Variants in TRPM3 observed in about 807,000 individuals in gnomAD.
The protein encoded by TRPM3 is long transient receptor potential channel 3.
TRPM3 carries 77 observed loss-of-function variants against 181.2 expected under a neutral mutation model. That is an observed-to-expected ratio of 0.42 (90% confidence interval 0.35 to 0.51). TRPM3 has a LOEUF of 0.51. Ranked by LOEUF, TRPM3 falls within the 20% of genes least tolerant of loss-of-function variation. The probability of loss-of-function intolerance (pLI) is 0.01; values close to 1 mark genes in which losing one functional copy is unlikely to be tolerated. For missense variants in TRPM3, 1,759 were observed against 2,196.7 expected (o/e 0.80, Z 3.98); for synonymous variants, 745 against 796.4 (o/e 0.94, Z 1.09).
intron 1 of TRPM3, among the ~76,000 whole-genome samples, chr9:71,335,203 A>G (rs190218995): frequency 6.6e-6 from 1 of 152,274 alleles, no homozygotes; most frequent in Admixed American, 6.5e-5. Context: ...ACCTGGAGTT[A>G]GCTCTCCTCC....
At chr9:70,773,221 G>T (rs192572794) in intron 7 of TRPM3, among the ~76,000 whole-genome samples, 245 of 152,286 alleles carry the variant, frequency 1.6e-3, no homozygotes, top group African/African-American at 5.7e-3. Flanking sequence ...CACCTTCTTA[G>T]AGGACAACAT....
chr9:71,434,148 G>A (rs1373807749), intron 1 of TRPM3, among the ~76,000 whole-genome samples: 4 of 152,234 alleles, frequency 2.6e-5, no homozygotes, highest in African/African-American at 4.8e-5. Context: ...GACAGAGCAA[G>A]ACTCTGTCTC....
intron 3 of TRPM3, among the ~76,000 whole-genome samples, chr9:70,852,798 T>G (rs1010227962): frequency 3.3e-5 from 5 of 152,322 alleles, no homozygotes; most frequent in Admixed American, 3.3e-4. Flanking sequence ...TGGCCAGCAC[T>G]GCTCCCCTCT....
chr9:71,241,819 C>T (rs2081710628), intron 1 of TRPM3, among the ~76,000 whole-genome samples: 1 of 152,160 alleles, frequency 6.6e-6, no homozygotes, highest in Non-Finnish European at 1.5e-5. Flanking sequence ...CATGCAGATC[C>T]ACTTTACAAT....
Position 70,784,274 on chromosome 9 carries a change from C to T in TRPM3, c.979G>A (p.Gly327Ser), listed in dbSNP as rs771182524. ...AGTGCCACCACAGGAACACCTTGAC[C>T]GATTCCTGCATTAAAAAAGGAAAAG... ...ISLQKINTRI[G>S]QGVPVVALIV... Residue 327 changes from glycine to serine, a missense_variant, in exon 7 of 26, where the codon GGT (glycine) becomes AGT (serine). Gly to Ser is a moderately conservative substitution (Grantham distance 56). Coordinates refer to ENST00000677713, the MANE Select transcript of TRPM3 (RefSeq NM_001366145.2). The T allele has an allele frequency of 4.4e-6, 7 of 1,584,356 alleles. No homozygotes were observed. Among genetic ancestry groups the T allele is most frequent in the East Asian group, 2.3e-5 (1 of 44,086 alleles).
At chr9:71,427,839 A>G (rs937992629) in intron 1 of TRPM3, among the ~76,000 whole-genome samples, 8 of 152,206 alleles carry the variant, frequency 5.3e-5, no homozygotes, top group Non-Finnish European at 1.0e-4. Context: ...GATGGATTCA[A>G]CTGAACTCTC....
At chr9:71,226,283 G>A (rs927094670) in intron 1 of TRPM3, among the ~76,000 whole-genome samples, 3 of 151,876 alleles carry the variant, frequency 2.0e-5, no homozygotes, top group Non-Finnish European at 4.4e-5. Flanking sequence ...AAGAGAAGGT[G>A]ACAAAGCTAC....
chr9:71,032,024 TATAATATA>T (rs2057449386), intron 1 of TRPM3, among the ~76,000 whole-genome samples: 1 of 458 alleles, frequency 2.2e-3, no homozygotes, highest in African/African-American at 2.5e-3. Flanking sequence ...AATATATATA[TATAATATA>T]AATATATATA....
chr9:70,767,354 T>G (rs1241456245), intron 7 of TRPM3, among the ~76,000 whole-genome samples: 1 of 152,222 alleles, frequency 6.6e-6, no homozygotes, highest in Admixed American at 6.5e-5. Flanking sequence ...CAAACAATAT[T>G]CATGCCTTCT....
At chr9:71,436,752 A>C (rs887080878) in intron 1 of TRPM3, among the ~76,000 whole-genome samples, 2 of 152,168 alleles carry the variant, frequency 1.3e-5, no homozygotes, top group Non-Finnish European at 2.9e-5. Context: ...TTACAGAAAC[A>C]CAGCCCTGCT....
intron 9 of TRPM3, among the ~76,000 whole-genome samples, chr9:70,645,244 T>C (rs901529390): frequency 6.6e-6 from 1 of 152,202 alleles, no homozygotes; most frequent in Non-Finnish European, 1.5e-5. Flanking sequence ...AGAGCCTGCA[T>C]AACCAAGACA....
At chr9:71,236,593 T>C (rs2081363127) in intron 1 of TRPM3, among the ~76,000 whole-genome samples, 1 of 152,168 alleles carries the variant, frequency 6.6e-6, no homozygotes, top group Non-Finnish European at 1.5e-5. Context: ...TGGGAATGAA[T>C]GATCACACTT....
chr9:70,748,128 G>A (rs62543771), intron 8 of TRPM3, among the ~76,000 whole-genome samples: 5,701 of 152,200 alleles, frequency 0.037, 157 homozygotes, highest in Non-Finnish European at 0.054. Context: ...GAAATTCACA[G>A]GAAAGTAACT....
intron 1 of TRPM3, among the ~76,000 whole-genome samples, chr9:70,970,428 G>A (rs62543208): frequency 0.29 from 43,772 of 151,810 alleles, 6,296 homozygotes; most frequent in East Asian, 0.36. Flanking sequence ...CACTCCTTCT[G>A]GAACCCTGTG....
chr9:70,786,569 C>G (rs1588326003), intron 6 of TRPM3, among the ~76,000 whole-genome samples: 1 of 152,210 alleles, frequency 6.6e-6, no homozygotes, highest in East Asian at 1.9e-4. Flanking sequence ...AGAATTTGCT[C>G]TCATAAAAAT....
chr9:70,748,755 G>A (rs971288041), intron 8 of TRPM3, among the ~76,000 whole-genome samples: 1 of 152,146 alleles, frequency 6.6e-6, no homozygotes, highest in African/African-American at 2.4e-5. Context: ...CTCCAGAACT[G>A]TGAACAATAA....
At chr9:70,934,379 G>GAC (rs1472445955) in intron 1 of TRPM3, among the ~76,000 whole-genome samples, 2 of 152,246 alleles carry the variant, frequency 1.3e-5, no homozygotes, top group East Asian at 3.9e-4. Context: ...TGACTGTTAT[G>GAC]TGGTAAAACC....
intron 1 of TRPM3, among the ~76,000 whole-genome samples, chr9:71,420,721 AAGAGAG>A (rs760245264): frequency 1.6e-4 from 12 of 76,654 alleles, no homozygotes; most frequent in Admixed American, 2.8e-4. Flanking sequence ...GAAAGAGAGA[AAGAGAG>A]AGAGAGAGAA....
At position 70,535,796 on chromosome 9, in the gene TRPM3, C is replaced by T; in HGVS notation, c.*157G>A. 2 of 1,492,704 alleles carry T rather than the reference C, an allele frequency of 1.3e-6. No individual in the cohort carries two copies. The highest frequency in any genetic ancestry group is 1.8e-6 in the Non-Finnish European group (2 of 1,129,846). The allele number at this position is 1,492,704 out of a possible 1,614,324, so 92.5% of individuals were successfully genotyped here. A position where few individuals can be genotyped will look rare whatever the true frequency, so the allele number is the denominator to read the frequency against. The stretch of plus-strand genomic sequence containing the variant: ...GATCAAATGCTTTCTTGATCTGTGG[C>T]CCAGAAGTCACCTTTGAGTTAACAC... On this transcript the variant is annotated 3_prime_UTR_variant, in exon 26 of 26. Transcript: ENST00000677713.
Sources: gnomAD v4.1 joint callset for allele counts (sites outside exome capture counted in the v4.1 genomes callset) on GRCh38, gnomAD v4.1.1 for gene constraint, MANE v1.5 for transcripts, NCBI Gene and HGNC (gene_info 2026-07-23, HGNC 2026-07-21) for gene names.